ILKAP: variants seen among roughly 807,000 people sequenced by gnomAD.
ILKAP encodes the protein ILK associated serine/threonine phosphatase.
Under a neutral mutation model 49.1 loss-of-function variants are expected in ILKAP, and 11 were observed. The ratio of observed to expected loss-of-function variants is 0.22; its 90% CI spans 0.14 to 0.37. The LOEUF is 0.37. ILKAP is among the 10% of genes least tolerant of loss of function. The pLI is 1.00. For missense variants in ILKAP, 363 were observed against 510.8 expected, an observed-to-expected ratio of 0.71 and a Z score of 2.79; for synonymous variants, 186 against 192.8, an observed-to-expected ratio of 0.96 and a Z score of 0.29.
chr2:238,190,009 G>A (rs774779931), intron 3 of ILKAP, 37 bp from the exon 4 acceptor site: 9 of 1,605,510 alleles, frequency 5.6e-6, no homozygotes, highest in East Asian at 4.5e-5. Flanking sequence ...AAACACAGCT[G>A]TAGACTGTTG....
rs1315475476 is a variant in ILKAP, at chr2:238,185,187, G to A, written c.526C>T (p.Pro176Ser). The change falls in exon 6 of 12, where the codon CCT (proline) becomes TCT (serine). Residue 176 changes from proline (P) to serine (S), a missense_variant. Pro to Ser is a moderately conservative substitution (Grantham distance 74, BLOSUM62 -1). This residue lies in a region of ILKAP where 166 missense variants were observed against 307.3 expected (regional missense o/e 0.54). Transcript: ENST00000254654. ...ATTTAGTTCTCAGTCTCACCTTTAG[G>A]AAATTTTCTGATTAAGTTTTGATGC... The part of the protein sequence containing the change: ...NLHQNLIRKF[P>S]KGDVISVEKT... 1.2e-6 allele frequency: 2 copies of A among 1,603,720 alleles called. No homozygotes were observed. Among genetic ancestry groups the A allele is most frequent in the East Asian group, 2.2e-5 (1 of 44,818 alleles).
At chr2:238,195,984 C>A (rs1694325445) in intron 1 of ILKAP, among the ~76,000 whole-genome samples, 1 of 114,260 alleles carries the variant, frequency 8.8e-6, no homozygotes, top group East Asian at 3.0e-4. Context: ...GCCAAGGCTT[C>A]AGTGAGCCAT....
Position 238,195,259 on chromosome 2 carries a change from C to T in ILKAP, c.56-389G>A, listed in dbSNP as rs7558526. Among the ~76,000 whole-genome samples, 9 of 152,178 alleles carry T rather than the reference C, an allele frequency of 5.9e-5. 1 individual carries two copies. Among genetic ancestry groups the T allele is most frequent in the Non-Finnish European group, 1.0e-4 (7 of 68,012 alleles). ...CCAGGAAAACAATACTTGAGACTTC[C>T]TGATAGACGTTCAGAAATTTGGGGT... On this transcript the variant is annotated intron_variant, in intron 1 of 11. Transcript: ENST00000254654.
At chr2:238,183,789 T>C in intron 7 of ILKAP, 49 bp from the exon 8 acceptor site, 1 of 1,373,002 alleles carries the variant, frequency 7.3e-7, no homozygotes, top group Non-Finnish European at 1.0e-6. Flanking sequence ...AGCCCAGCAC[T>C]TTGAGACTAA....
intron 10 of ILKAP, among the ~76,000 whole-genome samples, chr2:238,171,821 G>A (rs933046407): frequency 4.6e-5 from 7 of 152,140 alleles, no homozygotes; most frequent in African/African-American, 2.4e-5. Flanking sequence ...GCAGCTGTGC[G>A]TGTTCCTGTG....
intron 6 of ILKAP, 137 bp downstream of exon 6, chr2:238,185,044 C>T: frequency 1.8e-6 from 1 of 566,780 alleles, no homozygotes; most frequent in Non-Finnish European, 3.2e-6. Flanking sequence ...CCTTGGCATC[C>T]ACTCCTCAGC....
chr2:238,201,582 C>T (rs1027663073), intron 1 of ILKAP, among the ~76,000 whole-genome samples: 6 of 152,202 alleles, frequency 3.9e-5, no homozygotes, highest in Admixed American at 3.3e-4. Context: ...ACAGGATGTA[C>T]CTTTCCCACT....
In ILKAP at chr2:238,203,518, G is replaced by C. The variant is rs1694666662; in HGVS notation, c.36C>G (p.Arg12=). 3.2e-6 allele frequency: 4 copies of C among 1,249,770 alleles called. No homozygotes were observed. The highest frequency in any genetic ancestry group is 3.2e-5 in the African/African-American group (2 of 62,656). The allele number at this position is 1,249,770 out of a possible 1,614,324, so 77.4% of individuals were successfully genotyped here. Residue 12 remains arginine, a synonymous_variant, in exon 1 of 12, where the codon CGC becomes CGG. Coordinates refer to ENST00000254654, the MANE Select transcript of ILKAP (RefSeq NM_030768.3). ...DLFGDLPEPE[R]SPRPAAGKEA... ...GCTTACCGGCAGCCGGGCGCGGCGA[G>C]CGCTCGGGCTCCGGCAGGTCCCCGA...
At chr2:238,179,278 G>A (rs531334635) in intron 9 of ILKAP, among the ~76,000 whole-genome samples, 1 of 152,282 alleles carries the variant, frequency 6.6e-6, no homozygotes, top group East Asian at 1.9e-4. Flanking sequence ...GAAGGATGGA[G>A]GGAAAGAAGC....
At chr2:238,202,866 G>A (rs531643291) in intron 1 of ILKAP, among the ~76,000 whole-genome samples, 62 of 150,472 alleles carry the variant, frequency 4.1e-4, no homozygotes, top group African/African-American at 1.5e-3. Context: ...TTCAAGGAGA[G>A]GGGGAACTTC....
intron 4 of ILKAP, chr2:238,189,648 C>T (rs920541035): frequency 7.2e-6 from 3 of 415,810 alleles, no homozygotes; most frequent in Non-Finnish European, 4.3e-6. Context: ...CCTATCTGAT[C>T]AAAGGTAGGA....
At chr2:238,194,156 T>C (rs1694254812) in intron 3 of ILKAP, 119 bp downstream of exon 3, 3 of 758,152 alleles carry the variant, frequency 4.0e-6, no homozygotes, top group Admixed American at 2.4e-5. Context: ...GTAAACCTTA[T>C]GCTGTATTAT....
At chr2:238,193,039 C>T (rs1211763344) in intron 3 of ILKAP, among the ~76,000 whole-genome samples, 1 of 152,074 alleles carries the variant, frequency 6.6e-6, no homozygotes, top group African/African-American at 2.4e-5. Context: ...GTTAACTTCT[C>T]TAGAAATCTA....
chr2:238,184,669 TCCC>T lies in ILKAP; in HGVS notation c.532+509_532+511del, dbSNP rs1413028942. On this transcript the variant is annotated intron_variant, in intron 6 of 11. Transcript: ENST00000254654. ...GAACCTCCTGGGGCTCAGAAAATCC[TCCC>T]ACCACAGCCTCCTGAGCAGCTGGGA... Among the ~76,000 whole-genome samples, 5 of 151,628 alleles carry T rather than the reference TCCC, an allele frequency of 3.3e-5. No homozygotes were observed. In the East Asian group the frequency reaches 7.8e-4, roughly 24 times the overall value.
At chr2:238,180,511 A>ACT (rs1478226544) in intron 9 of ILKAP, among the ~76,000 whole-genome samples, 2 of 152,230 alleles carry the variant, frequency 1.3e-5, no homozygotes, top group African/African-American at 4.8e-5. Context: ...TAGATTTGGA[A>ACT]ATGTTTTACT....
chr2:238,203,427 C>T (rs1191348841), intron 1 of ILKAP, 72 bp downstream of exon 1: 3 of 822,136 alleles, frequency 3.6e-6, no homozygotes, highest in East Asian at 1.3e-4. Context: ...GCCTCAGCCG[C>T]CCCGGGCCTC....
At chr2:238,175,677 CA>C (rs1282814930) in intron 9 of ILKAP, among the ~76,000 whole-genome samples, 1 of 152,204 alleles carries the variant, frequency 6.6e-6, no homozygotes, top group African/African-American at 2.4e-5. Flanking sequence ...AACTTTGGTA[CA>C]AGTTCAAAAG....
At chr2:238,173,420 G>C (rs927575498) in intron 10 of ILKAP, 114 bp downstream of exon 10, 1 of 1,360,766 alleles carries the variant, frequency 7.3e-7, no homozygotes, top group African/African-American at 1.4e-5. Context: ...TGCACCCCCA[G>C]GGCCTAGCAC....
intron 4 of ILKAP, 73 bp from the exon 5 acceptor site, chr2:238,188,330 A>T: frequency 6.5e-7 from 1 of 1,540,196 alleles, no homozygotes; most frequent in Non-Finnish European, 8.8e-7. Flanking sequence ...CCCAGAGCAA[A>T]TGAGAGGGAA....
Sources: allele counts gnomAD v4.1 joint callset (sites outside exome capture counted in the v4.1 genomes callset), GRCh38; gene constraint gnomAD v4.1.1; regional missense constraint gnomAD v4.1.1; transcripts MANE v1.5; gene names NCBI Gene and HGNC (gene_info 2026-07-23, HGNC 2026-07-21).